RBFOX1: variants seen among roughly 807,000 people sequenced by gnomAD.
RBFOX1 encodes RNA binding protein fox-1 homolog 1.
A neutral mutation model predicts 57.7 loss-of-function variants in RBFOX1; 8 were observed. The observed-to-expected ratio is 0.14, with a 90% CI of 0.08 to 0.25. RBFOX1 has a LOEUF of 0.25. Among genes scored for constraint, RBFOX1 ranks in the 10% least tolerant of loss-of-function variants. The pLI, the probability that RBFOX1 is intolerant of heterozygous loss-of-function variation, is 1.00. For missense variants in RBFOX1, 611 were observed against 548.5 expected (o/e 1.11, Z -1.14); for synonymous variants, 326 against 222.4 (o/e 1.47, Z -4.15).
chr16:7,174,606 C>A lies in RBFOX1; in HGVS notation c.27+122508C>A, dbSNP rs541383814. 1.2e-3 allele frequency among the ~76,000 whole-genome samples: 187 copies of A among 152,136 alleles called. 1 individual carries two copies. Among genetic ancestry groups the A allele is most frequent in the African/African-American group, 4.4e-3 (183 of 41,506 alleles). The stretch of plus-strand genomic sequence containing the variant: ...GATTAACCTGGTGTAGGTGGTGAAA[C>A]CCCATCTCTACTAAAAATACAAAAT... On this transcript the variant is annotated intron_variant, in intron 4 of 15. Coordinates refer to ENST00000550418, the MANE Select transcript of RBFOX1 (RefSeq NM_018723.4).
At chr16:6,509,248 C>G (rs948675230) in intron 2 of RBFOX1, among the ~76,000 whole-genome samples, 2 of 152,014 alleles carry the variant, frequency 1.3e-5, no homozygotes, top group Admixed American at 6.6e-5. Flanking sequence ...AATTTTTTTC[C>G]TATGCGGTTA....
chr16:7,571,412 A>T (rs997623419), intron 5 of RBFOX1, among the ~76,000 whole-genome samples: 3 of 152,152 alleles, frequency 2.0e-5, no homozygotes, highest in Non-Finnish European at 2.9e-5. Flanking sequence ...TCGATATCAA[A>T]ATCCAATTTC....
At chr16:6,671,199 C>T (rs984318837) in intron 3 of RBFOX1, among the ~76,000 whole-genome samples, 2 of 152,116 alleles carry the variant, frequency 1.3e-5, no homozygotes, top group Non-Finnish European at 2.9e-5. Flanking sequence ...ATTTTACTTG[C>T]AATGTCAAAA....
At chr16:6,431,925 CT>C (rs1463021464) in intron 2 of RBFOX1, among the ~76,000 whole-genome samples, 1 of 149,982 alleles carries the variant, frequency 6.7e-6, no homozygotes, top group South Asian at 2.1e-4. Context: ...TTCTTTCTTT[CT>C]TTCTTTCTTT....
At chr16:5,614,778 G>A (rs1056623889) in intron 3 of RBFOX1, among the ~76,000 whole-genome samples, 2 of 152,130 alleles carry the variant, frequency 1.3e-5, no homozygotes, top group African/African-American at 4.8e-5. Flanking sequence ...GTGAGTGAAG[G>A]TGCACAAATT....
At chr16:5,961,217 T>G (rs2152288121) in intron 4 of RBFOX1, among the ~76,000 whole-genome samples, 1 of 152,332 alleles carries the variant, frequency 6.6e-6, no homozygotes, top group East Asian at 1.9e-4. Context: ...CAGCATTGCT[T>G]AATAAAATTT....
intron 3 of RBFOX1, among the ~76,000 whole-genome samples, chr16:7,018,178 T>A (rs767916355): frequency 1.3e-5 from 2 of 152,116 alleles, no homozygotes; most frequent in African/African-American, 4.8e-5. Flanking sequence ...CCACGAGCCG[T>A]GCATTCGTGG....
Position 6,991,538 on chromosome 16 carries a change from TTTG to T in RBFOX1, c.-15-60507_-15-60505del, listed in dbSNP as rs905511454. Among the ~76,000 whole-genome samples the T allele has an allele frequency of 1.4e-4, 21 of 152,246 alleles. No homozygotes were observed. In the East Asian group the frequency reaches 2.5e-3, roughly 18 times the overall value. On this transcript the variant is annotated intron_variant, in intron 3 of 15. Coordinates refer to ENST00000550418, the MANE Select transcript of RBFOX1 (RefSeq NM_018723.4). ...ACCCACTTCTCAAATGTTTTTTCTT[TTTG>T]TTGTTGTTGTTTTGAGATGGGGTCC...
At chr16:7,006,851 T>C (rs1447244775) in intron 3 of RBFOX1, among the ~76,000 whole-genome samples, 1 of 152,198 alleles carries the variant, frequency 6.6e-6, no homozygotes, top group Admixed American at 6.5e-5. Flanking sequence ...GGAATCACAC[T>C]TTGAACCCTG....
At chr16:7,271,969 T>C (rs750253740) in intron 4 of RBFOX1, among the ~76,000 whole-genome samples, 10 of 152,316 alleles carry the variant, frequency 6.6e-5, no homozygotes, top group Admixed American at 3.9e-4. Flanking sequence ...TCACCACCTA[T>C]TCCCCTCTTG....
At chr16:5,542,485 C>T (rs2045000808) in intron 2 of RBFOX1, among the ~76,000 whole-genome samples, 1 of 151,594 alleles carries the variant, frequency 6.6e-6, no homozygotes. Context: ...TCTCAAACTC[C>T]TGACCTTGTG....
At chr16:6,896,352 A>G (rs1409957439) in intron 3 of RBFOX1, among the ~76,000 whole-genome samples, 15 of 152,202 alleles carry the variant, frequency 9.9e-5, no homozygotes, top group Admixed American at 9.8e-4. Context: ...ACTACTGAGT[A>G]TAGTAATCAA....
intron 4 of RBFOX1, among the ~76,000 whole-genome samples, chr16:5,959,421 C>T (rs187247995): frequency 3.9e-5 from 6 of 152,286 alleles, no homozygotes; most frequent in South Asian, 2.1e-4. Context: ...ATTCTACACA[C>T]GTCATTCCAT....
chr16:5,867,953 C>T (rs143307251), intron 4 of RBFOX1, among the ~76,000 whole-genome samples: 237 of 152,288 alleles, frequency 1.6e-3, no homozygotes, highest in African/African-American at 5.3e-3. Context: ...CTCAAGTGAT[C>T]TGCTCGCCTC....
chr16:5,628,433 G>T (rs547706347), intron 3 of RBFOX1, among the ~76,000 whole-genome samples: 1 of 152,110 alleles, frequency 6.6e-6, no homozygotes, highest in African/African-American at 2.4e-5. Context: ...GGGGATAACT[G>T]ATATAACCAT....
intron 4 of RBFOX1, among the ~76,000 whole-genome samples, chr16:7,107,346 T>A (rs898003923): frequency 6.6e-6 from 1 of 152,076 alleles, no homozygotes; most frequent in African/African-American, 2.4e-5. Flanking sequence ...ATGCAGCATA[T>A]TCTGGGGTAT....
intron 4 of RBFOX1, among the ~76,000 whole-genome samples, chr16:7,244,523 C>T (rs906809019): frequency 1.3e-5 from 2 of 152,108 alleles, no homozygotes; most frequent in African/African-American, 4.8e-5. Context: ...GGCATGCTTC[C>T]ATTAGAGTCA....
intron 4 of RBFOX1, among the ~76,000 whole-genome samples, chr16:7,388,282 G>A (rs577140851): frequency 4.2e-4 from 64 of 152,136 alleles, no homozygotes; most frequent in Non-Finnish European, 7.8e-4. Context: ...AAAATCCTCA[G>A]AAGAAACTTG....
At chr16:7,583,936 T>C (rs926676293) in intron 6 of RBFOX1, among the ~76,000 whole-genome samples, 5 of 152,156 alleles carry the variant, frequency 3.3e-5, no homozygotes, top group Middle Eastern at 3.2e-3. Flanking sequence ...TTTCAGCACA[T>C]GCAAAGGAAG....
Sources: gnomAD v4.1 joint callset for allele counts (sites outside exome capture counted in the v4.1 genomes callset) on GRCh38, gnomAD v4.1.1 for gene constraint, MANE v1.5 for transcripts, NCBI Gene and HGNC (gene_info 2026-07-23, HGNC 2026-07-21) for gene names.